Variants in KHDC1L observed in about 807,000 individuals in gnomAD.
KHDC1L encodes the protein KH domain containing 1 like.
Under a neutral mutation model 11.2 loss-of-function variants are expected in KHDC1L, and 5 were observed. The observed-to-expected ratio is 0.45, with a 90% CI of 0.23 to 0.94. The LOEUF (loss-of-function observed/expected upper bound fraction) is 0.94, where lower values mean the gene tolerates loss of function less well. Ranked by LOEUF, KHDC1L falls within the 40% of genes least tolerant of loss-of-function variation. The pLI is 0.22. For synonymous variants in KHDC1L, 66 were observed against 62.7 expected (o/e 1.05, Z -0.25); for missense variants, 168 against 165.8 (o/e 1.01, Z -0.07).
In KHDC1L at chr6:73,223,717, T is replaced by TTCTCCTCTCA. The variant is rs935210981; in HGVS notation, c.*21_*30dup. On this transcript the variant is annotated 3_prime_UTR_variant, in exon 3 of 3. Transcript: ENST00000370388. ...TTCTCACCAAAAGCGAAGCCAAGAC[T>TTCTCCTCTCA]TCTCCTCTCATCCCCTCTTCCCAGG... 1.3e-6 allele frequency: 2 copies of TTCTCCTCTCA among 1,560,074 alleles called. No homozygotes were observed. Among genetic ancestry groups the TTCTCCTCTCA allele is most frequent in the African/African-American group, 2.7e-5 (2 of 73,814 alleles).
At chr6:73,224,476 A>C (rs1044667298) in intron 1 of KHDC1L, 128 bp from the exon 2 acceptor site, 2 of 796,910 alleles carry the variant, frequency 2.5e-6, no homozygotes, top group Non-Finnish European at 3.9e-6. Flanking sequence ...AAAATCGAGA[A>C]GGGGATGAAG....
chr6:73,224,075 G>C, intron 2 of KHDC1L, 91 bp downstream of exon 2: 4 of 1,390,292 alleles, frequency 2.9e-6, no homozygotes, highest in South Asian at 1.5e-5. Context: ...AGCCACACAA[G>C]GGATTCTTCA....
chr6:73,224,413 C>T, intron 1 of KHDC1L, 65 bp from the exon 2 acceptor site: 1 of 1,393,656 alleles, frequency 7.2e-7, no homozygotes, highest in Non-Finnish European at 9.7e-7. Flanking sequence ...GAGGAGGTGG[C>T]CTTGAGGGTA....
At chr6:73,223,861 C>A (rs1456872294) in intron 2 of KHDC1L, 22 bp from the exon 3 acceptor site, 1 of 1,555,926 alleles carries the variant, frequency 6.4e-7, no homozygotes, top group Admixed American at 1.9e-5. Context: ...TTGCCTGGAG[C>A]TGAAGAACCA....
In KHDC1L at chr6:73,225,099, A is replaced by AG. The variant is rs1228867798; in HGVS notation, c.112+197_112+198insC. ...CTCCGTCTCGAGTCTCAAAAAAAAA[A>AG]AAAAAAAAAGTACAAAAACTAGTTA... is the stretch of plus-strand genomic sequence containing the variant. On this transcript the variant is annotated intron_variant, in intron 1 of 2. Transcript: ENST00000370388. Among the ~76,000 whole-genome samples, 7 of 151,304 alleles carry AG rather than the reference A, an allele frequency of 4.6e-5. No individual in the cohort carries two copies. The East Asian group carries it at 1.2e-3, about 25-fold the overall frequency.
At chr6:73,224,768 TATC>T (rs1188040697) in intron 1 of KHDC1L, among the ~76,000 whole-genome samples, 1 of 46,190 alleles carries the variant, frequency 2.2e-5, no homozygotes, top group East Asian at 6.3e-4. Context: ...AGAGATTCCA[TATC>T]AAAAAAAAAA....
chr6:73,224,231 G>C lies in KHDC1L; in HGVS notation c.230C>G (p.Ala77Gly). Reference sequence around the variant, plus strand: ...GAACATGAGCAGCAGCCACTGCTTTGCCATTGGTGGTCCGACTACAGTCAC... The same window carrying C: ...GAACATGAGCAGCAGCCACTGCTTTCCCATTGGTGGTCCGACTACAGTCAC... ...TRVTVVGPPM[A>G]KQWLLLMFHC... The change falls in exon 2 of 3, where the codon GCA (alanine) becomes GGA (glycine). Residue 77 changes from alanine to glycine, a missense_variant. By Grantham distance (60) the Ala-to-Gly change is moderately conservative. Transcript: ENST00000370388. The C allele has an allele frequency of 6.3e-7, 1 of 1,578,752 alleles. No individual in the cohort carries two copies. The highest frequency in any genetic ancestry group is 8.6e-7 in the Non-Finnish European group (1 of 1,161,324).
intron 2 of KHDC1L, 50 bp downstream of exon 2, chr6:73,224,116 A>G (rs1454227380): frequency 2.5e-5 from 38 of 1,496,422 alleles, no homozygotes; most frequent in Non-Finnish European, 3.3e-5. Context: ...ACACAGCCAG[A>G]ACTCCACCAT....
Position 73,223,755 on chromosome 6 carries a change from C to T in KHDC1L, c.380G>A (p.Gly127Glu), listed in dbSNP as rs757294710. 2 of 1,605,356 alleles carry T rather than the reference C, an allele frequency of 1.2e-6. No individual in the cohort carries two copies. Among genetic ancestry groups the T allele is most frequent in the South Asian group, 1.1e-5 (1 of 88,836 alleles). The change falls in exon 3 of 3, where the codon GGA becomes GAA. Residue 127 changes from glycine to glutamate, a missense_variant. Coordinates refer to ENST00000370388, the MANE Select transcript of KHDC1L (RefSeq NM_001126063.3). ...CCCTCTTCCCAGGGGAGATCAGTCT[C>T]CGGTGTACGGTGGCAGGCTAACGGA... ...VTSVSLPPYT[G>E]D
intron 1 of KHDC1L, among the ~76,000 whole-genome samples, 185 bp from the exon 2 acceptor site, chr6:73,224,533 G>T (rs1384136243): frequency 6.6e-6 from 1 of 152,064 alleles, no homozygotes; most frequent in East Asian, 1.9e-4. Context: ...CCAGCAATTT[G>T]GGAGGCCGAG....
In KHDC1L at chr6:73,224,867, G is replaced by A. The variant is rs374842190; in HGVS notation, c.112+430C>T. Among the ~76,000 whole-genome samples the A allele has an allele frequency of 3.3e-5, 5 of 149,802 alleles. 2 individuals are homozygous for A. The highest frequency in any genetic ancestry group is 2.5e-5 in the African/African-American group (1 of 40,658). The stretch of plus-strand genomic sequence containing the variant: ...GAGGCCGAGGCCGGCAGATCAGGAG[G>A]TGAGGAAATCGAGACCATCCTGGCT... On this transcript the variant is annotated intron_variant, in intron 1 of 2. Transcript: ENST00000370388.
At chr6:73,224,106 A>G (rs1163629374) in intron 2 of KHDC1L, 60 bp downstream of exon 2, 4 of 1,481,514 alleles carry the variant, frequency 2.7e-6, no homozygotes, top group Non-Finnish European at 3.6e-6. Context: ...ATGCCACACA[A>G]CACAGCCAGA....
Position 73,224,156 on chromosome 6 carries a change from G to A in KHDC1L, c.295+10C>T, listed in dbSNP as rs1422076452. The A allele has an allele frequency of 1.3e-6, 2 of 1,546,524 alleles. No homozygotes were observed. Among genetic ancestry groups the A allele is most frequent in the Admixed American group, 3.9e-5 (2 of 50,982 alleles). ...CCCTCCACCTCCACAGTTCGGCCAA[G>A]GATACCTACCTCGAGCGTGACACTT... On this transcript the variant is annotated intron_variant, in intron 2 of 2. Transcript: ENST00000370388.
intron 1 of KHDC1L, among the ~76,000 whole-genome samples, chr6:73,224,761 G>A (rs1766328915): frequency 2.4e-5 from 2 of 82,552 alleles, no homozygotes. Flanking sequence ...GGGCGACAGA[G>A]ATTCCATATC....
rs779449318 is a variant in KHDC1L, at chr6:73,224,271, T to C, written c.190A>G (p.Thr64Ala). The change falls in exon 2 of 3, where the codon ACA becomes GCA. Residue 64 changes from threonine to alanine, a missense_variant. Transcript: ENST00000370388. ...ACTACAGTCACACGTGTCTGGCCTG[T>C]AGCTGTGAAACACCTCTCCAGCTGA... ...LIQLERCFTA[T>A]GQTRVTVVGP... 2 of 1,596,626 alleles carry C rather than the reference T, an allele frequency of 1.3e-6. No individual in the cohort carries two copies. The highest frequency in any genetic ancestry group is 8.5e-7 in the Non-Finnish European group (1 of 1,170,938).
chr6:73,225,087 C>T (rs1766337330), intron 1 of KHDC1L, among the ~76,000 whole-genome samples: 1 of 112,246 alleles, frequency 8.9e-6, no homozygotes. Flanking sequence ...CGTCTCGAGT[C>T]TCAAAAAAAA....
At position 73,225,326 on chromosome 6, in the gene KHDC1L, A is replaced by T. The variant is rs1288157846; in HGVS notation, c.83T>A (p.Met28Lys). 3 of 1,614,060 alleles carry T rather than the reference A, an allele frequency of 1.9e-6. No homozygotes were observed. Among genetic ancestry groups the T allele is most frequent in the Non-Finnish European group, 2.5e-6 (3 of 1,179,956 alleles). Reference sequence around the variant, plus strand: ...GATGAGCTCCTCCTGGTCCTCTTCCATGTGGAACACCATTGGAGAATGAAA... The same window carrying T: ...GATGAGCTCCTCCTGGTCCTCTTCCTTGTGGAACACCATTGGAGAATGAAA... ...ENFHSPMVFH[M>K]EEDQEELIFG... Residue 28 changes from methionine to lysine, a missense_variant, in exon 1 of 3, where the codon ATG becomes AAG. Physicochemically the swap from Met to Lys is moderately conservative, Grantham distance 95 (BLOSUM62 -1). Transcript: ENST00000370388.
chr6:73,225,282 G>T lies in KHDC1L; in HGVS notation c.112+15C>A, dbSNP rs1766344582. 6.2e-7 allele frequency: 1 copy of T among 1,610,312 alleles called. No homozygotes were observed. Among genetic ancestry groups the T allele is most frequent in the East Asian group, 2.2e-5 (1 of 44,810 alleles). ...AAAACAGATGAAGGAGGGGACGTGG[G>T]CAAAGGCCACTCACCGAAGATGAGC... is the stretch of plus-strand genomic sequence containing the variant. On this transcript the variant is annotated intron_variant, in intron 1 of 2. Coordinates refer to ENST00000370388, the MANE Select transcript of KHDC1L (RefSeq NM_001126063.3).
chr6:73,224,024 C>T (rs992712753), intron 2 of KHDC1L, 142 bp downstream of exon 2: 2 of 1,117,358 alleles, frequency 1.8e-6, no homozygotes, highest in Admixed American at 5.3e-5. Flanking sequence ...AAAATGAGCC[C>T]TTCCCTTCCC....
Sources: allele counts gnomAD v4.1 joint callset (sites outside exome capture counted in the v4.1 genomes callset), GRCh38; gene constraint gnomAD v4.1.1; transcripts MANE v1.5; gene names NCBI Gene and HGNC (gene_info 2026-07-23, HGNC 2026-07-21).